BMPR1B: variants seen among roughly 807,000 people sequenced by gnomAD.
BMPR1B encodes the protein bone morphogenetic protein receptor type 1B.
A neutral mutation model predicts 59.1 loss-of-function variants in BMPR1B; 12 were observed. The ratio of observed to expected loss-of-function variants is 0.20; its 90% CI spans 0.13 to 0.33. BMPR1B has a LOEUF of 0.33. BMPR1B is among the 10% of genes least tolerant of loss of function. The pLI is 1.00. For missense variants in BMPR1B, 550 were observed against 610.9 expected, an observed-to-expected ratio of 0.90 and a Z score of 1.05; for synonymous variants, 237 against 207.3, an observed-to-expected ratio of 1.14 and a Z score of -1.23.
chr4:94,798,162 C>T (rs1457522874), intron 1 of BMPR1B, among the ~76,000 whole-genome samples: 2 of 152,164 alleles, frequency 1.3e-5, no homozygotes, highest in Non-Finnish European at 2.9e-5. Context: ...AAGATTTAAA[C>T]CCAGAGAGTC....
rs1349349439 is a variant in BMPR1B at position 94,931,209 on chromosome 4, A to G, written c.-113+55309A>G. ...AATTTAGGAGGACAAATGCATTTTT[A>G]AAAACTTGGGCCTGTTATTTTTATG... On this transcript the variant is annotated intron_variant, in intron 2 of 12. Transcript: ENST00000515059. Among the ~76,000 whole-genome samples the G allele has an allele frequency of 2.0e-5, 3 of 152,164 alleles. No homozygotes were observed. In the East Asian group the frequency reaches 5.8e-4, roughly 29 times the overall value.
chr4:94,989,093 T>G (rs1372790195), intron 2 of BMPR1B, among the ~76,000 whole-genome samples: 1 of 152,110 alleles, frequency 6.6e-6, no homozygotes. Context: ...CAACAACATA[T>G]TTTGAAATCA....
chr4:94,856,722 G>A (rs187637032), intron 1 of BMPR1B, among the ~76,000 whole-genome samples: 1 of 152,160 alleles, frequency 6.6e-6, no homozygotes, highest in South Asian at 2.1e-4. Flanking sequence ...TTTTGTGGTA[G>A]ATGCCGTCAT....
At chr4:94,951,043 A>G (rs568088319) in intron 2 of BMPR1B, among the ~76,000 whole-genome samples, 172 of 152,140 alleles carry the variant, frequency 1.1e-3, no homozygotes, top group Non-Finnish European at 2.1e-3. Context: ...CTTTGTAGCA[A>G]TTGTGAATGG....
rs1330307674 is a variant in BMPR1B, at chr4:94,910,045, C to CA, written c.-113+34153dup. Among the ~76,000 whole-genome samples the CA allele has an allele frequency of 5.6e-3, 824 of 147,142 alleles. 10 individuals are homozygous for CA. The highest frequency in any genetic ancestry group is 0.019 in the African/African-American group (756 of 40,002). ...CTTTAAAAGAGCGAGACTCCGTCTC[C>CA]AAAAAAAACAAAAAAAAAGAGCCTT... is the stretch of plus-strand genomic sequence containing the variant. On this transcript the variant is annotated intron_variant, in intron 2 of 12. Coordinates refer to ENST00000515059, the MANE Select transcript of BMPR1B (RefSeq NM_001203.3).
intron 2 of BMPR1B, among the ~76,000 whole-genome samples, chr4:94,927,820 G>T (rs184827230): frequency 5.9e-5 from 9 of 152,216 alleles, no homozygotes; most frequent in Non-Finnish European, 8.8e-5. Context: ...CATTCAGAAA[G>T]TTGCACAGAT....
chr4:94,928,552 A>G (rs572526788), intron 2 of BMPR1B, among the ~76,000 whole-genome samples: 51 of 150,826 alleles, frequency 3.4e-4, no homozygotes, highest in African/African-American at 1.1e-3. Context: ...CTATGTTGTC[A>G]TGCAAATTAA....
chr4:94,931,775 A>T (rs1220357866), intron 2 of BMPR1B, among the ~76,000 whole-genome samples: 1 of 152,088 alleles, frequency 6.6e-6, no homozygotes, highest in African/African-American at 2.4e-5. Flanking sequence ...CTGCATGCTT[A>T]AAAATGCTGG....
At chr4:95,154,493 G>A in intron 12 of BMPR1B, 55 bp from the exon 13 acceptor site, 1 of 1,611,848 alleles carries the variant, frequency 6.2e-7, no homozygotes, top group Middle Eastern at 1.7e-4. Flanking sequence ...AAGCTACATT[G>A]TAACAGGTGC....
At chr4:94,830,216 A>G (rs1724526951) in intron 1 of BMPR1B, among the ~76,000 whole-genome samples, 1 of 152,108 alleles carries the variant, frequency 6.6e-6, no homozygotes, top group Non-Finnish European at 1.5e-5. Flanking sequence ...GAAAATTCAA[A>G]ATTTAGAAAA....
chr4:94,907,715 G>A (rs552164149), intron 2 of BMPR1B, among the ~76,000 whole-genome samples: 13 of 151,962 alleles, frequency 8.6e-5, no homozygotes, highest in Non-Finnish European at 1.3e-4. Flanking sequence ...TATTTGTTAC[G>A]GTTTGCTTGT....
chr4:95,025,865 A>G (rs771085455), intron 3 of BMPR1B, among the ~76,000 whole-genome samples: 6 of 152,216 alleles, frequency 3.9e-5, no homozygotes, highest in Non-Finnish European at 7.3e-5. Context: ...ACATTGTTCA[A>G]ATTTGTGCTA....
chr4:94,912,879 G>A (rs1025773041), intron 2 of BMPR1B, among the ~76,000 whole-genome samples: 3 of 152,012 alleles, frequency 2.0e-5, no homozygotes, highest in African/African-American at 7.2e-5. Context: ...GTAAGTTGGA[G>A]GCAGAATTAA....
intron 3 of BMPR1B, among the ~76,000 whole-genome samples, chr4:95,047,055 A>G (rs537474911): frequency 6.6e-6 from 1 of 152,312 alleles, no homozygotes; most frequent in East Asian, 1.9e-4. Context: ...ATTTTTTAAA[A>G]TAAACTTTTT....
At chr4:94,816,313 G>A (rs1724009764) in intron 1 of BMPR1B, among the ~76,000 whole-genome samples, 1 of 151,890 alleles carries the variant, frequency 6.6e-6, no homozygotes, top group South Asian at 2.1e-4. Context: ...GGCCCGGCTA[G>A]TTTTCTTTTC....
intron 1 of BMPR1B, among the ~76,000 whole-genome samples, chr4:94,830,794 C>G (rs901589545): frequency 3.3e-5 from 5 of 152,098 alleles, no homozygotes; most frequent in African/African-American, 1.2e-4. Flanking sequence ...ACACTGTAGC[C>G]ATCGTAACGC....
At chr4:95,053,326 G>C (rs1311870236) in intron 3 of BMPR1B, among the ~76,000 whole-genome samples, 1 of 73,298 alleles carries the variant, frequency 1.4e-5, no homozygotes, top group African/African-American at 4.0e-5. Flanking sequence ...TGTGTGTGAT[G>C]TGCCTGTACT....
intron 1 of BMPR1B, among the ~76,000 whole-genome samples, chr4:94,852,101 T>C (rs1462130295): frequency 6.6e-6 from 1 of 152,194 alleles, no homozygotes; most frequent in African/African-American, 2.4e-5. Flanking sequence ...TTGTATTCAT[T>C]GCAGTTATTA....
chr4:95,005,399 A>G (rs1392849493), intron 3 of BMPR1B, among the ~76,000 whole-genome samples: 1 of 152,040 alleles, frequency 6.6e-6, no homozygotes, highest in African/African-American at 2.4e-5. Flanking sequence ...CATGTAGAAC[A>G]CACAGATGGC....
Sources: allele counts gnomAD v4.1 joint callset (sites outside exome capture counted in the v4.1 genomes callset), GRCh38; gene constraint gnomAD v4.1.1; transcripts MANE v1.5; gene names NCBI Gene and HGNC (gene_info 2026-07-23, HGNC 2026-07-21).